SIM2: variants seen among roughly 807,000 people sequenced by gnomAD.
SIM2 encodes the protein single-minded homolog 2.
SIM2 carries 28 observed loss-of-function variants against 64.8 expected under a neutral mutation model. The observed-to-expected ratio is 0.43, with a 90% CI of 0.32 to 0.59. SIM2 has a LOEUF of 0.59. Ranked by LOEUF, SIM2 falls within the 20% of genes least tolerant of loss-of-function variation. SIM2 has a pLI of 0.07. For synonymous variants in SIM2, 408 were observed against 391.1 expected, an observed-to-expected ratio of 1.04 and a Z score of -0.51; for missense variants, 847 against 871.4, an observed-to-expected ratio of 0.97 and a Z score of 0.35.
At chr21:36,702,514 G>T (rs530563951) in intron 1 of SIM2, among the ~76,000 whole-genome samples, 27 of 152,368 alleles carry the variant, frequency 1.8e-4, no homozygotes, top group Admixed American at 4.6e-4. Context: ...TCAGTCTGGG[G>T]CTGAGGAGTA....
chr21:36,722,854 G>C (rs1356125288), intron 4 of SIM2, among the ~76,000 whole-genome samples, 191 bp from the exon 5 acceptor site: 1 of 152,174 alleles, frequency 6.6e-6, no homozygotes, highest in African/African-American at 2.4e-5. Flanking sequence ...AGCCACACCA[G>C]GACTGGGCTG....
chr21:36,746,671 G>T (rs1383780457), intron 10 of SIM2, among the ~76,000 whole-genome samples: 1 of 152,226 alleles, frequency 6.6e-6, no homozygotes, highest in Non-Finnish European at 1.5e-5. Context: ...TGTCCCAGGA[G>T]CCACGGATCC....
intron 3 of SIM2, among the ~76,000 whole-genome samples, chr21:36,716,790 T>TA (rs1410575296): frequency 1.3e-5 from 2 of 152,128 alleles, no homozygotes; most frequent in Admixed American, 1.3e-4. Context: ...AATACTAAAA[T>TA]ATCACATGGA....
chr21:36,702,543 G>A (rs2123407130), intron 1 of SIM2, among the ~76,000 whole-genome samples: 1 of 152,308 alleles, frequency 6.6e-6, no homozygotes, highest in South Asian at 2.1e-4. Context: ...GGGAACTTGG[G>A]GCAGAGGAAG....
At chr21:36,744,620 G>C (rs1371136555) in intron 9 of SIM2, 108 bp from the exon 10 acceptor site, 1 of 1,360,008 alleles carries the variant, frequency 7.4e-7, no homozygotes, top group Non-Finnish European at 9.8e-7. Flanking sequence ...GAGGGTAGGG[G>C]CAGCCCTTGG....
chr21:36,744,715 C>A lies in SIM2; in HGVS notation c.1168-13C>A. On this transcript the variant is annotated splice_polypyrimidine_tract_variant and intron_variant, in intron 9 of 10. Transcript: ENST00000290399. ...CCCTCGCTGGCCCTTCATCCATCTT[C>A]TTTGCCATGCAGCAATACAGCTCGT... The A allele has an allele frequency of 6.3e-7, 1 of 1,577,186 alleles. No homozygotes were observed. The highest frequency in any genetic ancestry group is 8.6e-7 in the Non-Finnish European group (1 of 1,160,536).
chr21:36,736,516 C>T (rs1438698488), intron 7 of SIM2, among the ~76,000 whole-genome samples: 1 of 152,230 alleles, frequency 6.6e-6, no homozygotes, highest in Non-Finnish European at 1.5e-5. Context: ...GAACTCCCAG[C>T]CTCCAGAAAC....
At chr21:36,717,352 G>A (rs1206824112) in intron 3 of SIM2, among the ~76,000 whole-genome samples, 2 of 152,052 alleles carry the variant, frequency 1.3e-5, no homozygotes, top group African/African-American at 4.8e-5. Context: ...AGAAACGATA[G>A]GCCAATATAA....
intron 7 of SIM2, among the ~76,000 whole-genome samples, chr21:36,740,054 AG>A (rs1336829552): frequency 6.8e-6 from 1 of 146,846 alleles, no homozygotes; most frequent in Admixed American, 6.7e-5. Context: ...AAAGAAAGAA[AG>A]AAAGAGAAAA....
At chr21:36,732,767 G>A (rs899171455) in intron 7 of SIM2, among the ~76,000 whole-genome samples, 1 of 152,234 alleles carries the variant, frequency 6.6e-6, no homozygotes, top group Non-Finnish European at 1.5e-5. Flanking sequence ...CTCCGTCGGT[G>A]TCACTAATAT....
At chr21:36,714,844 G>A (rs914296760) in intron 3 of SIM2, among the ~76,000 whole-genome samples, 5 of 152,156 alleles carry the variant, frequency 3.3e-5, no homozygotes, top group Non-Finnish European at 5.9e-5. Flanking sequence ...ATCTGCCTCC[G>A]GTTCGTGATC....
chr21:36,735,677 C>T (rs1425416263), intron 7 of SIM2, among the ~76,000 whole-genome samples: 3 of 152,304 alleles, frequency 2.0e-5, no homozygotes, highest in Non-Finnish European at 2.9e-5. Flanking sequence ...GTGTTTGGGT[C>T]CTGATGGGGA....
chr21:36,726,286 C>T lies in SIM2; in HGVS notation c.711C>T (p.Ser237=). ...LYSNMFMFRA[S]LDLKLIFLDS... Reference sequence around the variant, plus strand: ...GTAACATGTTCATGTTCAGGGCCAGCCTTGACCTGAAGCTGATATTCCTGG... The same window carrying T: ...GTAACATGTTCATGTTCAGGGCCAGTCTTGACCTGAAGCTGATATTCCTGG... Residue 237 remains serine (S), a synonymous_variant, in exon 6 of 11, where the codon AGC becomes AGT. Transcript: ENST00000290399. The surrounding 1 kb of genome is among the most constrained non-coding windows in gnomAD (Gnocchi z 4.5). 2 of 1,613,566 alleles carry T rather than the reference C, an allele frequency of 1.2e-6. No homozygotes were observed. The highest frequency in any genetic ancestry group is 1.7e-6 in the Non-Finnish European group (2 of 1,179,994).
intron 3 of SIM2, among the ~76,000 whole-genome samples, chr21:36,715,180 G>A (rs147149992): frequency 1.3e-5 from 2 of 152,220 alleles, no homozygotes; most frequent in East Asian, 1.9e-4. Context: ...TCTAGGGAGC[G>A]TTCCACGGTG....
At chr21:36,732,205 G>T (rs1465979707) in intron 7 of SIM2, among the ~76,000 whole-genome samples, 1 of 152,204 alleles carries the variant, frequency 6.6e-6, no homozygotes, top group Non-Finnish European at 1.5e-5. Flanking sequence ...AATCCAAATG[G>T]AGGCAAAGAC....
chr21:36,734,290 A>G lies in SIM2; in HGVS notation c.850+3139A>G, dbSNP rs116849186. ...ATATGATGAAGCCACTTTATCTCAC[A>G]GGAAGTTTCCAGATATTGAAGTTGT... On this transcript the variant is annotated intron_variant, in intron 7 of 10. Coordinates refer to ENST00000290399, the MANE Select transcript of SIM2 (RefSeq NM_005069.6). Among the ~76,000 whole-genome samples the G allele has an allele frequency of 2.0e-5, 3 of 152,306 alleles. 1 individual carries two copies. The East Asian group carries it at 5.8e-4, about 29-fold the overall frequency.
chr21:36,714,656 A>T (rs1445973023), intron 3 of SIM2, among the ~76,000 whole-genome samples: 1 of 152,200 alleles, frequency 6.6e-6, no homozygotes, highest in Non-Finnish European at 1.5e-5. Flanking sequence ...CTGCTTGGTC[A>T]TTTGGAATGT....
chr21:36,733,282 T>C (rs796179483), intron 7 of SIM2, among the ~76,000 whole-genome samples: 1 of 152,118 alleles, frequency 6.6e-6, no homozygotes, highest in Non-Finnish European at 1.5e-5. Context: ...TGGAGTGCAG[T>C]GGCATGATCT....
At chr21:36,713,062 G>A (rs2088698230) in intron 3 of SIM2, among the ~76,000 whole-genome samples, 1 of 152,222 alleles carries the variant, frequency 6.6e-6, no homozygotes, top group Admixed American at 6.5e-5. Flanking sequence ...TCTTTGGGGA[G>A]AGAGAATGGG....
Sources: allele counts gnomAD v4.1 joint callset (sites outside exome capture counted in the v4.1 genomes callset), GRCh38; gene constraint gnomAD v4.1.1; non-coding constraint Gnocchi (gnomAD v3.1); transcripts MANE v1.5; gene names NCBI Gene and HGNC (gene_info 2026-07-23, HGNC 2026-07-21).